XPO6: variants seen among roughly 807,000 people sequenced by gnomAD.
The protein encoded by XPO6 is exportin 6.
Under a neutral mutation model 130.0 loss-of-function variants are expected in XPO6, and 3 were observed. The observed-to-expected ratio is 0.02, with a 90% CI of 0.01 to 0.06. XPO6 has a LOEUF of 0.06. XPO6 is among the 10% of genes least tolerant of loss of function. The pLI is 1.00. For synonymous variants in XPO6, 524 were observed against 548.9 expected (o/e 0.95, Z 0.63); for missense variants, 970 against 1,393.0 (o/e 0.70, Z 4.83).
At chr16:28,150,769 C>T (rs901438859) in intron 8 of XPO6, among the ~76,000 whole-genome samples, 3 of 152,078 alleles carry the variant, frequency 2.0e-5, no homozygotes, top group African/African-American at 4.8e-5. Flanking sequence ...CGCTATTTAA[C>T]ACTCACTCAA....
intron 21 of XPO6, among the ~76,000 whole-genome samples, chr16:28,102,591 A>T (rs573004206): frequency 5.2e-4 from 79 of 152,240 alleles, no homozygotes; most frequent in African/African-American, 1.8e-3. Context: ...TACAAAAATT[A>T]GCCAGGCGTG....
chr16:28,163,473 A>G lies in XPO6; in HGVS notation c.643+3035T>C, dbSNP rs147486033. Among the ~76,000 whole-genome samples the G allele has an allele frequency of 5.8e-3, 890 of 152,374 alleles. 5 individuals carry two copies. The highest frequency in any genetic ancestry group is 0.01 in the Non-Finnish European group (712 of 68,030). On this transcript the variant is annotated intron_variant, in intron 6 of 23. Coordinates refer to ENST00000304658, the MANE Select transcript of XPO6 (RefSeq NM_015171.4). ...ATCAAAGCTAACTCAGAATTGCTGT[A>G]GTCACATAATCTCATTCTGTGCACT...
intron 6 of XPO6, among the ~76,000 whole-genome samples, chr16:28,158,034 A>C (rs1211071489): frequency 6.8e-6 from 1 of 147,006 alleles, no homozygotes; most frequent in Admixed American, 6.7e-5. Flanking sequence ...CACAGTGAGC[A>C]GAAGTAGAGG....
At chr16:28,207,338 G>A (rs2044048187) in intron 1 of XPO6, among the ~76,000 whole-genome samples, 1 of 151,534 alleles carries the variant, frequency 6.6e-6, no homozygotes, top group Non-Finnish European at 1.5e-5. Context: ...GCTAATATAA[G>A]CAAAAACTCA....
chr16:28,102,718 G>A (rs1377900087), intron 21 of XPO6, among the ~76,000 whole-genome samples: 1 of 152,132 alleles, frequency 6.6e-6, no homozygotes, highest in Non-Finnish European at 1.5e-5. Context: ...CTCCAGCCTA[G>A]GCAACAGAGC....
rs750327514 is a variant in XPO6, at chr16:28,211,352, C to T, written c.3+14G>A. On this transcript the variant is annotated intron_variant, in intron 1 of 23. Transcript: ENST00000304658. ...GGGCACCCCAGGAGGGAAGGGGGCT[C>T]CAATTCCACTTACCATGCTGGCCGG... 1 of 1,312,598 alleles carries T rather than the reference C, an allele frequency of 7.6e-7. No homozygotes were observed. The highest frequency in any genetic ancestry group is 2.8e-5 in the East Asian group (1 of 35,644). 81.3% of individuals were successfully genotyped at this position (1,312,598 alleles called of 1,614,324 possible).
chr16:28,196,674 T>C (rs1382761032), intron 1 of XPO6, among the ~76,000 whole-genome samples: 1 of 152,198 alleles, frequency 6.6e-6, no homozygotes, highest in East Asian at 1.9e-4. Context: ...TGGGGGTAGA[T>C]ATCTGATAAA....
At chr16:28,153,812 A>G (rs2043136923) in intron 7 of XPO6, 4 of 985,324 alleles carry the variant, frequency 4.1e-6, no homozygotes, top group Non-Finnish European at 4.8e-6. Flanking sequence ...CTATTTTTCA[A>G]AACAGAGATA....
chr16:28,189,143 G>A (rs867830056), intron 1 of XPO6, among the ~76,000 whole-genome samples: 23 of 151,306 alleles, frequency 1.5e-4, no homozygotes, highest in African/African-American at 3.9e-4. Context: ...CTGGGGTTTC[G>A]CCATGTTGCC....
chr16:28,130,712 G>C (rs996773701), intron 12 of XPO6, among the ~76,000 whole-genome samples: 1 of 152,158 alleles, frequency 6.6e-6, no homozygotes, highest in Non-Finnish European at 1.5e-5. Flanking sequence ...CAGTAAACAG[G>C]CTTTAGTGAA....
intron 8 of XPO6, among the ~76,000 whole-genome samples, chr16:28,146,535 G>A (rs1056554045): frequency 6.6e-6 from 1 of 152,192 alleles, no homozygotes; most frequent in African/African-American, 2.4e-5. Flanking sequence ...CTATTTTCCA[G>A]AGAGAAATCG....
At chr16:28,193,780 C>T (rs903533615) in intron 1 of XPO6, among the ~76,000 whole-genome samples, 2 of 152,118 alleles carry the variant, frequency 1.3e-5, no homozygotes, top group East Asian at 1.9e-4. Context: ...ACAGCAAGCA[C>T]GCATCACCCG....
intron 9 of XPO6, among the ~76,000 whole-genome samples, chr16:28,141,777 G>A (rs2042898042): frequency 6.6e-6 from 1 of 152,162 alleles, no homozygotes; most frequent in African/African-American, 2.4e-5. Flanking sequence ...TGGCTAACAC[G>A]GTGAAACCCC....
chr16:28,134,038 A>G, intron 10 of XPO6, 105 bp from the exon 11 acceptor site: 1 of 1,142,938 alleles, frequency 8.7e-7, no homozygotes. Flanking sequence ...ATGGAAAATG[A>G]TGGAACCAGG....
chr16:28,206,781 T>C lies in XPO6; in HGVS notation c.3+4585A>G, dbSNP rs192132741. ...ACTGACATACAAAACCTCTGGGTAC[T>C]GCTGAACCTTTCCCTGCCATCTCCC... On this transcript the variant is annotated intron_variant, in intron 1 of 23. Coordinates refer to ENST00000304658, the MANE Select transcript of XPO6 (RefSeq NM_015171.4). Among the ~76,000 whole-genome samples the C allele has an allele frequency of 3.5e-4, 53 of 152,342 alleles. 1 individual carries two copies. In the East Asian group the frequency reaches 8.9e-3, roughly 25 times the overall value.
intron 9 of XPO6, among the ~76,000 whole-genome samples, chr16:28,140,935 T>TA (rs1335555069): frequency 2.0e-5 from 3 of 152,114 alleles, no homozygotes; most frequent in Non-Finnish European, 4.4e-5. Flanking sequence ...GTCAGGTAAA[T>TA]ACAAAGGATT....
At position 28,106,377 on chromosome 16, in the gene XPO6, G is replaced by A; in HGVS notation, c.2612+6C>T. The A allele has an allele frequency of 6.2e-7, 1 of 1,613,682 alleles. No homozygotes were observed. The highest frequency in any genetic ancestry group is 8.5e-7 in the Non-Finnish European group (1 of 1,179,536). On this transcript the variant is annotated splice_donor_region_variant and intron_variant, in intron 19 of 23. Transcript: ENST00000304658. This position sits in a 1 kb window ranked among gnomAD's most constrained non-coding sequence, Gnocchi z 4.2. ...TGAAAACTATAGATGGTGGGTCTGT[G>A]CTTACCTGGTAAACATGTTGAGGAA...
intron 9 of XPO6, among the ~76,000 whole-genome samples, chr16:28,144,042 G>A (rs1302038606): frequency 1.3e-5 from 2 of 151,856 alleles, no homozygotes; most frequent in African/African-American, 4.8e-5. Flanking sequence ...ATAGAAAAAT[G>A]AGGCATAGTC....
At chr16:28,118,670 CTT>C (rs1270467990) in intron 14 of XPO6, among the ~76,000 whole-genome samples, 3 of 152,194 alleles carry the variant, frequency 2.0e-5, no homozygotes, top group Admixed American at 6.5e-5. Context: ...CTGTTAATCA[CTT>C]TGAATGAGTA....
Sources: allele counts gnomAD v4.1 joint callset (sites outside exome capture counted in the v4.1 genomes callset), GRCh38; gene constraint gnomAD v4.1.1; non-coding constraint Gnocchi (gnomAD v3.1); transcripts MANE v1.5; gene names NCBI Gene and HGNC (gene_info 2026-07-23, HGNC 2026-07-21).